Variants in PCM1 observed in about 807,000 individuals in gnomAD.
PCM1 encodes the protein pericentriolar material 1.
In PCM1, 157 loss-of-function variants were observed where a neutral mutation model predicts 241.9. That is an observed-to-expected ratio of 0.65 (90% CI 0.57 to 0.74). The LOEUF is 0.74. Ranked by LOEUF, PCM1 falls within the 30% of genes least tolerant of loss-of-function variation. PCM1 has a pLI of 0.00. For synonymous variants in PCM1, 1,085 were observed against 784.9 expected (o/e 1.38, Z -6.39); for missense variants, 3,478 against 2,360.1 (o/e 1.47, Z -9.81).
chr8:18,013,808 C>A, intron 34 of PCM1, 156 bp from the exon 35 acceptor site: 1 of 573,432 alleles, frequency 1.7e-6, no homozygotes, highest in Admixed American at 3.8e-5. Flanking sequence ...CTTGAAATCA[C>A]AACCAAAGCC....
At chr8:17,989,698 C>G (rs973485830) in intron 26 of PCM1, among the ~76,000 whole-genome samples, 161 bp from the exon 27 acceptor site, 11 of 151,942 alleles carry the variant, frequency 7.2e-5, no homozygotes, top group Non-Finnish European at 1.3e-4. Context: ...CGTTTAATAA[C>G]TTTGGTTATA....
rs186304551 is a variant in PCM1, at chr8:17,995,408, G to A, written c.4827+1789G>A. On this transcript the variant is annotated intron_variant, in intron 29 of 38. Transcript: ENST00000325083. ...TCTGTGTTTCTGGGTTCTCTGTTCT[G>A]TTCTGTCGGTCTGTGTTTCTGTTGT... Among the ~76,000 whole-genome samples, 452 of 151,294 alleles carry A rather than the reference G, an allele frequency of 3.0e-3. 27 individuals are homozygous for A. Among genetic ancestry groups the A allele is most frequent in the African/African-American group, 0.011 (437 of 40,708 alleles).
intron 29 of PCM1, among the ~76,000 whole-genome samples, chr8:18,004,629 T>G (rs1279874960): frequency 6.6e-6 from 1 of 152,192 alleles, no homozygotes; most frequent in African/African-American, 2.4e-5. Context: ...CTTCAGATCT[T>G]GACTTTTTTT....
In PCM1 at chr8:18,009,759, T is replaced by G; in HGVS notation, c.5160+15T>G. On this transcript the variant is annotated intron_variant, in intron 31 of 38. Coordinates refer to ENST00000325083, the MANE Select transcript of PCM1 (RefSeq NM_006197.4). ...GTGCCAAAGAGGTAAATAACGTTCATTTTGATTTTTAGGATAATTGACACA... is the reference window on the plus strand; with the variant it reads ...GTGCCAAAGAGGTAAATAACGTTCAGTTTGATTTTTAGGATAATTGACACA... 7.2e-7 allele frequency: 1 copy of G among 1,388,986 alleles called. No homozygotes were observed. Among genetic ancestry groups the G allele is most frequent in the Non-Finnish European group, 9.5e-7 (1 of 1,057,630 alleles). The allele number at this position is 1,388,986 out of a possible 1,614,324, so 86.0% of individuals were successfully genotyped here. A position where few individuals can be genotyped will look rare whatever the true frequency, so the allele number is the denominator to read the frequency against.
In PCM1 at chr8:17,957,332, A is replaced by G. The variant is rs372056172; in HGVS notation, c.1715A>G (p.Asn572Ser). ...SHSNAQCVSNNRDGRTVNSNC... is the reference protein window; with the variant it reads ...SHSNAQCVSNSRDGRTVNSNC... ...AGTAATGCACAGTGTGTTTCTAATA[A>G]TAGAGATGGGCGAACAGTTAATTCT... The change falls in exon 12 of 39, where the codon AAT (asparagine) becomes AGT (serine). Residue 572 changes from asparagine to serine, a missense_variant. Transcript: ENST00000325083. 116 of 1,611,664 alleles carry G rather than the reference A, an allele frequency of 7.2e-5. No homozygotes were observed. Among genetic ancestry groups the G allele is most frequent in the Non-Finnish European group, 9.7e-5 (114 of 1,178,168 alleles).
In PCM1 at chr8:18,014,837, C is replaced by CTATG; in HGVS notation, c.5841+5_5841+8dup. ...CTGAATCTCCAGTGTTAGTGAATGA[C>CTATG]TATGTATGTATCATTTACATTTCCA... On this transcript the variant is annotated frameshift_variant, in exon 36 of 39. Coordinates refer to ENST00000325083, the MANE Select transcript of PCM1 (RefSeq NM_006197.4). LOFTEE classifies it high-confidence loss of function. The CTATG allele has an allele frequency of 1.9e-6, 3 of 1,591,334 alleles. No homozygotes were observed. In the South Asian group the frequency reaches 3.3e-5, roughly 18 times the overall value.
chr8:17,975,390 C>T (rs2078386167), intron 23 of PCM1, among the ~76,000 whole-genome samples: 1 of 151,990 alleles, frequency 6.6e-6, no homozygotes. Context: ...CTTGAACTCC[C>T]GATCTCAGGT....
chr8:18,012,587 C>T (rs893422781), intron 34 of PCM1, among the ~76,000 whole-genome samples: 1 of 152,048 alleles, frequency 6.6e-6, no homozygotes, highest in African/African-American at 2.4e-5. Context: ...TAGATCTTTT[C>T]TTCTGGAGTT....
rs746942694 is a variant in PCM1 at position 17,980,620 on chromosome 8, T to C, written c.3973T>C (p.Cys1325Arg). The change falls in exon 24 of 39, where the codon TGT becomes CGT. Residue 1325 changes from cysteine (C) to arginine (R), a missense_variant. Physicochemically the swap from Cys to Arg is radical, Grantham distance 180. Coordinates refer to ENST00000325083, the MANE Select transcript of PCM1 (RefSeq NM_006197.4). Reference protein sequence around the residue: ...RYESASMSSTCEPCKSRNRHS... With the variant: ...RYESASMSSTREPCKSRNRHS... ...TGAAAGTGCCAGTATGTCTAGCACATGTGAACCTTGCAAAAGTAGGAACAG... is the reference window on the plus strand; with the variant it reads ...TGAAAGTGCCAGTATGTCTAGCACACGTGAACCTTGCAAAAGTAGGAACAG... 3 of 1,612,804 alleles carry C rather than the reference T, an allele frequency of 1.9e-6. No homozygotes were observed. Among genetic ancestry groups the C allele is most frequent in the Non-Finnish European group, 2.5e-6 (3 of 1,179,416 alleles).
intron 2 of PCM1, 30 bp from the exon 3 acceptor site, chr8:17,935,559 A>G: frequency 5.1e-6 from 4 of 780,104 alleles, no homozygotes; most frequent in Non-Finnish European, 6.8e-6. Flanking sequence ...TTTATGTGTT[A>G]TAAAGCTCAG....
chr8:17,929,321 C>T (rs1373678972), intron 2 of PCM1, among the ~76,000 whole-genome samples: 1 of 152,136 alleles, frequency 6.6e-6, no homozygotes, highest in South Asian at 2.1e-4. Flanking sequence ...ATTAGCGTGT[C>T]CTTTTCCTCT....
chr8:17,989,648 A>C (rs972822452), intron 26 of PCM1, among the ~76,000 whole-genome samples: 1 of 152,036 alleles, frequency 6.6e-6, no homozygotes, highest in Non-Finnish European at 1.5e-5. Context: ...ATATTCTGCA[A>C]GGCTACTTAT....
At chr8:17,935,107 C>T (rs965763929) in intron 2 of PCM1, among the ~76,000 whole-genome samples, 1 of 152,176 alleles carries the variant, frequency 6.6e-6, no homozygotes, top group Non-Finnish European at 1.5e-5. Flanking sequence ...CCTGTTAAAA[C>T]CAAAATTTTC....
intron 27 of PCM1, among the ~76,000 whole-genome samples, chr8:17,991,310 G>C (rs1226988505): frequency 6.6e-6 from 1 of 152,200 alleles, no homozygotes; most frequent in Non-Finnish European, 1.5e-5. Context: ...GCTTGAGCAA[G>C]TTACTTAAAT....
chr8:18,015,453 C>A (rs377663), intron 36 of PCM1, among the ~76,000 whole-genome samples: 14,546 of 152,106 alleles, frequency 0.096, 1,149 homozygotes, highest in African/African-American at 0.21. Context: ...AAAGCTTAAC[C>A]CCAGCCTGTC....
chr8:17,925,410 A>G (rs2056538521), intron 2 of PCM1: 1 of 152,262 alleles, frequency 6.6e-6, no homozygotes, highest in African/African-American at 2.4e-5. Flanking sequence ...CAGTTTGGAA[A>G]AATGGCTAAA....
chr8:17,941,528 T>TTG (rs80154817), intron 6 of PCM1, among the ~76,000 whole-genome samples: 63,613 of 148,004 alleles, frequency 0.43, 15,706 homozygotes, highest in Non-Finnish European at 0.58. Context: ...TGATTTTTGT[T>TTG]TTTTTTTTTT....
In PCM1 at chr8:18,026,539, G is replaced by A. The variant is rs185043541; in HGVS notation, c.6049+881G>A. ...CTCCCAAAGTGCTGAGATTACAGGC[G>A]TGAACCACCATGCCCAGCCCAAAAA... is the stretch of plus-strand genomic sequence containing the variant. On this transcript the variant is annotated intron_variant, in intron 38 of 38. Coordinates refer to ENST00000325083, the MANE Select transcript of PCM1 (RefSeq NM_006197.4). Among the ~76,000 whole-genome samples, 32 of 151,758 alleles carry A rather than the reference G, an allele frequency of 2.1e-4. No homozygotes were observed. In the East Asian group the frequency reaches 5.1e-3, roughly 24 times the overall value.
chr8:17,981,884 C>T (rs2080957046), intron 24 of PCM1, among the ~76,000 whole-genome samples: 1 of 138,568 alleles, frequency 7.2e-6, no homozygotes, highest in Non-Finnish European at 1.5e-5. Context: ...TGTAGTAATC[C>T]ATCCTAAGAA....
Sources: gnomAD v4.1 joint callset for allele counts (sites outside exome capture counted in the v4.1 genomes callset) on GRCh38, gnomAD v4.1.1 for gene constraint, MANE v1.5 for transcripts, NCBI Gene and HGNC (gene_info 2026-07-23, HGNC 2026-07-21) for gene names.